Variants in CLDN10 observed in about 807,000 individuals in gnomAD.
CLDN10 encodes claudin 10, also known as claudin-10.
A neutral mutation model predicts 22.9 loss-of-function variants in CLDN10; 15 were observed. That is an observed-to-expected ratio of 0.65 (90% CI 0.44 to 1.01). The LOEUF is 1.01. Among genes scored for constraint, CLDN10 ranks in the 50% least tolerant of loss-of-function variants. CLDN10 has a pLI of 0.00. For missense variants in CLDN10, 247 were observed against 287.8 expected, an observed-to-expected ratio of 0.86 and a Z score of 1.03; for synonymous variants, 114 against 111.4, an observed-to-expected ratio of 1.02 and a Z score of -0.15.
chr13:95,522,232 C>T (rs1029801637), intron 1 of CLDN10, among the ~76,000 whole-genome samples: 12 of 151,934 alleles, frequency 7.9e-5, no homozygotes, highest in Admixed American at 5.2e-4. Context: ...GATGAATTCT[C>T]ATTCTTCTTT....
At chr13:95,444,303 T>G (rs1284932667) in intron 1 of CLDN10, among the ~76,000 whole-genome samples, 2 of 152,212 alleles carry the variant, frequency 1.3e-5, no homozygotes, top group Admixed American at 1.3e-4. Context: ...TAAATGAACT[T>G]GGGATAATTG....
rs1269737609 is a variant in CLDN10 at position 95,518,747 on chromosome 13, A to T, written c.215-41385A>T. Among the ~76,000 whole-genome samples the T allele has an allele frequency of 4.2e-5, 5 of 117,816 alleles. No individual in the cohort carries two copies. The South Asian group carries it at 1.4e-3, about 32-fold the overall frequency. 77.3% of individuals were successfully genotyped at this position (117,816 alleles called of 152,430 possible). On this transcript the variant is annotated intron_variant, in intron 1 of 4. Transcript: ENST00000376873. Reference sequence around the variant, plus strand: ...GCACTCCAGCCTGAGTGACAGAATGAGACTGTCTCAAAAAAAAAAAAATAA... The same window carrying T: ...GCACTCCAGCCTGAGTGACAGAATGTGACTGTCTCAAAAAAAAAAAAATAA...
intron 1 of CLDN10, among the ~76,000 whole-genome samples, chr13:95,532,846 A>G (rs1417025936): frequency 6.6e-6 from 1 of 151,524 alleles, no homozygotes; most frequent in African/African-American, 2.4e-5. Flanking sequence ...GTGCAACAAC[A>G]TAGATGAGTC....
intron 3 of CLDN10, among the ~76,000 whole-genome samples, chr13:95,574,333 A>T (rs1334014568): frequency 1.3e-5 from 2 of 152,210 alleles, no homozygotes; most frequent in African/African-American, 2.4e-5. Flanking sequence ...GTTAAAAAAA[A>T]AATGGGGTAG....
At chr13:95,477,018 A>G (rs760869542) in intron 1 of CLDN10, among the ~76,000 whole-genome samples, 1 of 152,194 alleles carries the variant, frequency 6.6e-6, no homozygotes, top group East Asian at 1.9e-4. Flanking sequence ...GTTGGGAACC[A>G]GCCACGCCTC....
intron 1 of CLDN10, among the ~76,000 whole-genome samples, chr13:95,454,155 C>A (rs1485158894): frequency 6.6e-6 from 1 of 151,810 alleles, no homozygotes; most frequent in Non-Finnish European, 1.5e-5. Context: ...TGAAAGAAGG[C>A]CAGGCCAGGA....
At chr13:95,523,676 A>AT (rs1378211700) in intron 1 of CLDN10, among the ~76,000 whole-genome samples, 1 of 152,218 alleles carries the variant, frequency 6.6e-6, no homozygotes, top group Non-Finnish European at 1.5e-5. Context: ...TCATGGCCTT[A>AT]AGTGATTCTC....
rs145691256 is a variant in CLDN10 at position 95,536,997 on chromosome 13, C to T, written c.215-23135C>T. On this transcript the variant is annotated intron_variant, in intron 1 of 4. Coordinates refer to the CLDN10 transcript ENST00000376873. ...TGAATCCTGTCCTGTTGTGTGTGTGCTAATTAAGAGCCTTTTGCTTCTTTA... is the reference window on the plus strand; with the variant it reads ...TGAATCCTGTCCTGTTGTGTGTGTGTTAATTAAGAGCCTTTTGCTTCTTTA... Among the ~76,000 whole-genome samples, 526 of 152,264 alleles carry T rather than the reference C, an allele frequency of 3.5e-3. 3 individuals carry two copies. Among genetic ancestry groups the T allele is most frequent in the African/African-American group, 0.012 (501 of 41,554 alleles).
intron 1 of CLDN10, among the ~76,000 whole-genome samples, chr13:95,450,806 A>T (rs1566649380): frequency 6.6e-6 from 1 of 152,180 alleles, no homozygotes; most frequent in Non-Finnish European, 1.5e-5. Context: ...TTAGATTGTG[A>T]TCAAATAGTA....
Position 95,552,879 on chromosome 13 carries a change from C to A in CLDN10, c.126C>A (p.Thr42=), listed in dbSNP as rs1311072754. The A allele has an allele frequency of 1.5e-5, 25 of 1,614,012 alleles. No individual in the cohort carries two copies. The highest frequency in any genetic ancestry group is 8.3e-5 in the Admixed American group (5 of 60,006). ...VSTIDGTVIT[T]ATYWANLWKA... Reference sequence around the variant, plus strand: ...CCATCGACGGCACGGTCATCACAACCGCCACCTATTGGGCCAACCTGTGGA... The same window carrying A: ...CCATCGACGGCACGGTCATCACAACAGCCACCTATTGGGCCAACCTGTGGA... Residue 42 remains threonine, a synonymous_variant, in exon 1 of 5, where the codon ACC becomes ACA. Coordinates refer to ENST00000299339, the MANE Select transcript of CLDN10 (RefSeq NM_006984.5).
intron 1 of CLDN10, among the ~76,000 whole-genome samples, chr13:95,555,354 T>C (rs1020072446): frequency 6.6e-6 from 1 of 152,228 alleles, no homozygotes; most frequent in Non-Finnish European, 1.5e-5. Flanking sequence ...AGCCATCTTA[T>C]CATTTTAGTT....
chr13:95,553,000 CAG>C, intron 1 of CLDN10, 27 bp downstream of exon 1: 1 of 1,611,416 alleles, frequency 6.2e-7, no homozygotes, highest in Non-Finnish European at 8.5e-7. Context: ...CCCCCGCCCT[CAG>C]CCCTCCTTCC....
rs558123084 is a variant in CLDN10, at chr13:95,534,100, G to A, written c.215-26032G>A. On this transcript the variant is annotated intron_variant, in intron 1 of 4. Coordinates refer to the CLDN10 transcript ENST00000376873. ...TACATGGTCACTGAGGGATCGTTTG[G>A]GTAATGTGTGTCTCCCCTACTAGAT... Among the ~76,000 whole-genome samples the A allele has an allele frequency of 5.9e-5, 9 of 152,126 alleles. 1 individual carries two copies. In the South Asian group the frequency reaches 6.2e-4, roughly 11 times the overall value.
rs905179639 is a variant in CLDN10, at chr13:95,547,423, C to T, written c.215-12709C>T. ...ATTCACTTACTGCTGTTAGCCTAAC[C>T]GATTAATACCATTTTTATGAAAAAA... On this transcript the variant is annotated intron_variant, in intron 1 of 4. Coordinates refer to the CLDN10 transcript ENST00000376873. Among the ~76,000 whole-genome samples, 5 of 152,164 alleles carry T rather than the reference C, an allele frequency of 3.3e-5. No homozygotes were observed. In the East Asian group the frequency reaches 7.7e-4, roughly 24 times the overall value.
chr13:95,550,098 C>T (rs2043548222), upstream of CLDN10, among the ~76,000 whole-genome samples: 1 of 152,192 alleles, frequency 6.6e-6, no homozygotes, highest in African/African-American at 2.4e-5. Context: ...AGGCCACCCC[C>T]AGAGATTCTG....
At chr13:95,549,352 T>C (rs2043541811), upstream of CLDN10, among the ~76,000 whole-genome samples, 1 of 152,250 alleles carries the variant, frequency 6.6e-6, no homozygotes, top group South Asian at 2.1e-4. Context: ...TCGAAAGTAC[T>C]CTGTAAATCG....
Position 95,486,359 on chromosome 13 carries a change from C to T in CLDN10, c.214+52312C>T, listed in dbSNP as rs565742695. Among the ~76,000 whole-genome samples the T allele has an allele frequency of 4.1e-4, 63 of 152,070 alleles. 1 individual carries two copies. The highest frequency in any genetic ancestry group is 1.5e-3 in the African/African-American group (61 of 41,490). ...CCAACATGGCAAAACTCCGTCTCTA[C>T]TAAAAATACAAAAATTAGCCAGGCA... is the stretch of plus-strand genomic sequence containing the variant. On this transcript the variant is annotated intron_variant, in intron 1 of 4. Transcript: ENST00000376873.
intron 1 of CLDN10, among the ~76,000 whole-genome samples, chr13:95,555,926 T>TA (rs1435288006): frequency 6.6e-6 from 1 of 152,062 alleles, no homozygotes; most frequent in African/African-American, 2.4e-5. Context: ...TAAACCCAGG[T>TA]ATGAGCTCTA....
intron 3 of CLDN10, among the ~76,000 whole-genome samples, chr13:95,574,059 T>C (rs1016038377): frequency 1.3e-5 from 2 of 152,208 alleles, no homozygotes. Context: ...TTCATACTTT[T>C]TTATGGCTGT....
Sources: gnomAD v4.1 joint callset for allele counts (sites outside exome capture counted in the v4.1 genomes callset) on GRCh38, gnomAD v4.1.1 for gene constraint, MANE v1.5 for transcripts, NCBI Gene and HGNC (gene_info 2026-07-23, HGNC 2026-07-21) for gene names.